Variants in TBC1D32 observed in about 807,000 individuals in gnomAD.
TBC1D32 encodes TBC1 domain family member 32.
TBC1D32 carries 151 observed loss-of-function variants against 170.3 expected under a neutral mutation model. The observed-to-expected ratio is 0.89, with a 90% CI of 0.78 to 1.01. TBC1D32 has a LOEUF of 1.01. Ranked by LOEUF, TBC1D32 falls within the 50% of genes least tolerant of loss-of-function variation. The pLI is 0.00. For missense variants in TBC1D32, 1,464 were observed against 1,457.1 expected, an observed-to-expected ratio of 1.00 and a Z score of -0.08; for synonymous variants, 498 against 488.0, an observed-to-expected ratio of 1.02 and a Z score of -0.27.
At chr6:121,274,395 A>G (rs1282379254) in intron 15 of TBC1D32, among the ~76,000 whole-genome samples, 1 of 151,926 alleles carries the variant, frequency 6.6e-6, no homozygotes, top group Non-Finnish European at 1.5e-5. Context: ...TGAAAAATTC[A>G]ATTTCAACAG....
chr6:121,201,879 T>C (rs1156920411), intron 22 of TBC1D32, among the ~76,000 whole-genome samples: 1 of 151,224 alleles, frequency 6.6e-6, no homozygotes, highest in East Asian at 1.9e-4. Flanking sequence ...AAAGATCAAC[T>C]ATTGTTTAAA....
chr6:121,302,896 T>C (rs891241646), intron 9 of TBC1D32, among the ~76,000 whole-genome samples: 2 of 152,158 alleles, frequency 1.3e-5, no homozygotes, highest in Non-Finnish European at 2.9e-5. Context: ...AAAGCACCAT[T>C]GCTAGATAAC....
intron 12 of TBC1D32, among the ~76,000 whole-genome samples, chr6:121,290,757 C>T (rs1804708086): frequency 6.6e-6 from 1 of 151,676 alleles, no homozygotes; most frequent in East Asian, 1.9e-4. Context: ...ACCCAAATGT[C>T]CAACAATGAT....
At chr6:121,102,928 T>G (rs1778281891) in intron 30 of TBC1D32, among the ~76,000 whole-genome samples, 1 of 151,678 alleles carries the variant, frequency 6.6e-6, no homozygotes, top group South Asian at 2.1e-4. Context: ...AAGAAGGATA[T>G]GAACAGACAC....
intron 15 of TBC1D32, among the ~76,000 whole-genome samples, chr6:121,271,388 T>C (rs752447964): frequency 6.6e-6 from 1 of 152,194 alleles, no homozygotes. Context: ...CAAAATCTCC[T>C]TAAGCTGATA....
chr6:121,317,012 G>A (rs537651668), intron 3 of TBC1D32, among the ~76,000 whole-genome samples: 2 of 151,894 alleles, frequency 1.3e-5, no homozygotes, highest in Non-Finnish European at 2.9e-5. Context: ...AAATGACAAG[G>A]GTTCCTATAA....
Position 121,126,376 on chromosome 6 carries a change from A to G in TBC1D32, c.2983+2T>C, listed in dbSNP as rs1202129684. Reference sequence around the variant, plus strand: ...TCAAACTTCACAATGTTTAAAATGTACCTGTATACTCCACTGAAGGGAAGT... The same window carrying G: ...TCAAACTTCACAATGTTTAAAATGTGCCTGTATACTCCACTGAAGGGAAGT... On this transcript the variant is annotated splice_donor_variant, in intron 26 of 31. Transcript: ENST00000398212. LOFTEE classifies it high-confidence loss of function. 3 of 1,605,236 alleles carry G rather than the reference A, an allele frequency of 1.9e-6. No homozygotes were observed. Among genetic ancestry groups the G allele is most frequent in the South Asian group, 1.1e-5 (1 of 89,920 alleles).
At chr6:121,107,971 T>C (rs1194293643) in intron 29 of TBC1D32, among the ~76,000 whole-genome samples, 1 of 152,092 alleles carries the variant, frequency 6.6e-6, no homozygotes, top group Non-Finnish European at 1.5e-5. Flanking sequence ...TAGACTCTGT[T>C]GGAAGAAAGT....
In TBC1D32 at chr6:121,271,818, A is replaced by T. The variant is rs147938825; in HGVS notation, c.1733+7303T>A. Among the ~76,000 whole-genome samples, 1,163 of 151,618 alleles carry T rather than the reference A, an allele frequency of 7.7e-3. 22 individuals carry two copies. The highest frequency in any genetic ancestry group is 0.027 in the African/African-American group (1,115 of 41,468). On this transcript the variant is annotated intron_variant, in intron 15 of 31. Transcript: ENST00000398212. The stretch of plus-strand genomic sequence containing the variant: ...CCTGCATTGCCAAGACAATCCTAAG[A>T]CAAAAGCTGGAGGCACCATGCCACC...
intron 15 of TBC1D32, among the ~76,000 whole-genome samples, chr6:121,277,063 A>G (rs1180329493): frequency 6.6e-6 from 1 of 152,230 alleles, no homozygotes; most frequent in African/African-American, 2.4e-5. Flanking sequence ...AATATAATTG[A>G]CATCCAACAA....
intron 5 of TBC1D32, 99 bp downstream of exon 5, chr6:121,307,877 A>C: frequency 1.5e-6 from 2 of 1,370,060 alleles, no homozygotes; most frequent in Non-Finnish European, 2.0e-6. Flanking sequence ...AAAACAAAAA[A>C]GAAAAGAAAA....
Position 121,304,784 on chromosome 6 carries a change from T to C in TBC1D32, c.740A>G (p.His247Arg). ...CAQTFLLSPL[H>R]MTKEIYTSLA... ...GCTTGTATAAATTTCCTTGGTCATA[T>C]GTAATGGAGAAAGCAAAAATGTCTG... The change falls in exon 6 of 32, where the codon CAT becomes CGT. Residue 247 changes from histidine to arginine, a missense_variant. His to Arg is a conservative substitution (Grantham distance 29). Transcript: ENST00000398212. 1.2e-6 allele frequency: 2 copies of C among 1,608,830 alleles called. No homozygotes were observed. The highest frequency in any genetic ancestry group is 1.7e-6 in the Non-Finnish European group (2 of 1,178,222).
At position 121,281,674 on chromosome 6, in the gene TBC1D32, GGAGA is replaced by G; in HGVS notation, c.1474_1477del (p.Ser492LeufsTer5). 1 of 1,591,854 alleles carries G rather than the reference GGAGA, an allele frequency of 6.3e-7. No individual in the cohort carries two copies. Among genetic ancestry groups the G allele is most frequent in the African/African-American group, 1.4e-5 (1 of 74,002 alleles). On this transcript the variant is annotated frameshift_variant, in exon 14 of 32. Transcript: ENST00000398212. LOFTEE classifies it high-confidence loss of function. Reference sequence around the variant, plus strand: ...CAGAACTTCAGTCACCATACTTGCAGGAGAGTAATTCTCTAATAAACAATAAATA... The same window carrying G: ...CAGAACTTCAGTCACCATACTTGCAGGTAATTCTCTAATAAACAATAAATA...
chr6:121,281,113 T>A (rs930487362), intron 14 of TBC1D32, among the ~76,000 whole-genome samples: 1 of 151,866 alleles, frequency 6.6e-6, no homozygotes, highest in South Asian at 2.1e-4. Flanking sequence ...TGGAATTCTA[T>A]ATAAGTGTTC....
intron 24 of TBC1D32, among the ~76,000 whole-genome samples, chr6:121,154,944 C>A (rs924521033): frequency 5.9e-5 from 9 of 152,090 alleles, no homozygotes; most frequent in African/African-American, 2.2e-4. Context: ...GTGATGCCTC[C>A]AACTTTGTTG....
intron 15 of TBC1D32, among the ~76,000 whole-genome samples, chr6:121,270,234 T>C (rs1222333746): frequency 6.6e-6 from 1 of 151,916 alleles, no homozygotes; most frequent in Non-Finnish European, 1.5e-5. Flanking sequence ...TATTCAAAAG[T>C]TAGCAGAAGG....
Position 121,292,183 on chromosome 6 carries a change from C to T in TBC1D32, c.1242G>A (p.Gln414=), listed in dbSNP as rs202216640. The T allele has an allele frequency of 4.3e-4, 683 of 1,587,376 alleles. No individual in the cohort carries two copies. The highest frequency in any genetic ancestry group is 5.6e-4 in the Non-Finnish European group (655 of 1,167,200). ...LGHSKHCRNK[Q]KTFYYLGQEL... is the part of the protein sequence containing the mutation. ...CTTGTCCTAAGTAGTAGAAAGTTTTCTGCTTGTTTCCTTAAAAGAGAAGCA... is the reference window on the plus strand; with the variant it reads ...CTTGTCCTAAGTAGTAGAAAGTTTTTTGCTTGTTTCCTTAAAAGAGAAGCA... The change falls in exon 12 of 32, where the codon CAG becomes CAA. Residue 414 remains glutamine, a synonymous_variant. Coordinates refer to ENST00000398212, the MANE Select transcript of TBC1D32 (RefSeq NM_152730.6).
At chr6:121,147,246 T>C (rs1365478397) in intron 24 of TBC1D32, among the ~76,000 whole-genome samples, 1 of 152,186 alleles carries the variant, frequency 6.6e-6, no homozygotes, top group Non-Finnish European at 1.5e-5. Flanking sequence ...GTTGATTCCA[T>C]GTCTTTGCTA....
At chr6:121,095,025 A>T (rs1777238056) in intron 30 of TBC1D32, among the ~76,000 whole-genome samples, 1 of 152,172 alleles carries the variant, frequency 6.6e-6, no homozygotes, top group African/African-American at 2.4e-5. Flanking sequence ...CGATCAGTTG[A>T]GTCTTTATAT....
Sources: gnomAD v4.1 joint callset for allele counts (sites outside exome capture counted in the v4.1 genomes callset) on GRCh38, gnomAD v4.1.1 for gene constraint, MANE v1.5 for transcripts, NCBI Gene and HGNC (gene_info 2026-07-23, HGNC 2026-07-21) for gene names.